The following EFNA5 variants were observed in gnomAD, a reference collection of about 807,000 sequenced individuals.
The protein encoded by EFNA5 is ephrin A5.
Under a neutral mutation model 22.9 loss-of-function variants are expected in EFNA5, and 5 were observed. The ratio of observed to expected loss-of-function variants is 0.22; its 90% CI spans 0.11 to 0.46. The LOEUF is 0.46. Ranked by LOEUF, EFNA5 falls within the 20% of genes least tolerant of loss-of-function variation. The probability of loss-of-function intolerance (pLI) is 0.99; values close to 1 mark genes in which losing one functional copy is unlikely to be tolerated. For synonymous variants in EFNA5, 113 were observed against 112.2 expected (o/e 1.01, Z -0.04); for missense variants, 237 against 293.3 (o/e 0.81, Z 1.40).
At chr5:107,667,054 G>T (rs1396158917) in intron 1 of EFNA5, among the ~76,000 whole-genome samples, 1 of 152,038 alleles carries the variant, frequency 6.6e-6, no homozygotes, top group Non-Finnish European at 1.5e-5. Context: ...GTTACTTGGT[G>T]ACATTCCAGT....
At chr5:107,628,384 A>C in intron 1 of EFNA5, among the ~76,000 whole-genome samples, 1 of 152,198 alleles carries the variant, frequency 6.6e-6, no homozygotes, top group Non-Finnish European at 1.5e-5. Context: ...TTCCTGTTAG[A>C]CATAGCCTAA....
intron 1 of EFNA5, among the ~76,000 whole-genome samples, chr5:107,527,280 T>C (rs557011741): frequency 7.3e-6 from 1 of 137,054 alleles, no homozygotes; most frequent in Admixed American, 7.0e-5. Flanking sequence ...ACAACCTTTT[T>C]TTCTTTTTTC....
intron 1 of EFNA5, among the ~76,000 whole-genome samples, chr5:107,536,824 C>T (rs6875929): frequency 0.033 from 4,992 of 152,206 alleles, 264 homozygotes; most frequent in African/African-American, 0.11. Flanking sequence ...GTAGATTTTT[C>T]GGCCGGGTGC....
chr5:107,637,512 G>GTGTGTC (rs202206718), intron 1 of EFNA5, among the ~76,000 whole-genome samples: 2,511 of 150,822 alleles, frequency 0.017, 29 homozygotes, highest in Middle Eastern at 0.031. Flanking sequence ...GTGTGTGTGT[G>GTGTGTC]TGTGTCTGTG....
At chr5:107,564,640 T>G (rs972135827) in intron 1 of EFNA5, among the ~76,000 whole-genome samples, 9 of 150,502 alleles carry the variant, frequency 6.0e-5, no homozygotes, top group African/African-American at 1.2e-4. Context: ...TGTTTTTTTT[T>G]TTTTTTTTTT....
At chr5:107,579,616 T>C (rs892264898) in intron 1 of EFNA5, among the ~76,000 whole-genome samples, 5 of 133,678 alleles carry the variant, frequency 3.7e-5, no homozygotes, top group African/African-American at 9.2e-5. Context: ...CCACAGTTAA[T>C]AGTATTATAG....
chr5:107,569,925 C>G (rs1580535682), intron 1 of EFNA5, among the ~76,000 whole-genome samples: 1 of 150,850 alleles, frequency 6.6e-6, no homozygotes, highest in Non-Finnish European at 1.5e-5. Context: ...ACTTCCTAAG[C>G]AAGTGTACAC....
At chr5:107,633,360 G>T (rs1426530248) in intron 1 of EFNA5, among the ~76,000 whole-genome samples, 1 of 152,190 alleles carries the variant, frequency 6.6e-6, no homozygotes, top group Admixed American at 6.5e-5. Context: ...GTCCCTTTCA[G>T]CATGGACAAA....
intron 1 of EFNA5, among the ~76,000 whole-genome samples, chr5:107,473,031 T>C (rs1481359568): frequency 1.3e-5 from 2 of 152,134 alleles, no homozygotes. Context: ...CATTCACCTA[T>C]ACCTTACCTC....
chr5:107,590,719 T>C (rs768801846), intron 1 of EFNA5, among the ~76,000 whole-genome samples: 26 of 152,210 alleles, frequency 1.7e-4, no homozygotes, highest in Non-Finnish European at 3.4e-4. Context: ...ATCTTAAAGG[T>C]AAATGGTGTA....
chr5:107,551,822 T>C (rs1361604203), intron 1 of EFNA5, among the ~76,000 whole-genome samples: 1 of 152,122 alleles, frequency 6.6e-6, no homozygotes, highest in Non-Finnish European at 1.5e-5. Context: ...AATTTTAATA[T>C]AAAAACATGT....
chr5:107,563,865 T>C (rs913277690), intron 1 of EFNA5, among the ~76,000 whole-genome samples: 1 of 152,234 alleles, frequency 6.6e-6, no homozygotes, highest in African/African-American at 2.4e-5. Flanking sequence ...AAGATTATTC[T>C]TTCTAAAGTG....
intron 1 of EFNA5, among the ~76,000 whole-genome samples, chr5:107,509,063 T>C (rs1421393467): frequency 6.6e-6 from 1 of 152,228 alleles, no homozygotes; most frequent in Non-Finnish European, 1.5e-5. Context: ...GCTATTCCTA[T>C]AAATTTATTT....
chr5:107,620,066 G>A (rs760519794), intron 1 of EFNA5, among the ~76,000 whole-genome samples: 5 of 152,204 alleles, frequency 3.3e-5, no homozygotes, highest in Non-Finnish European at 7.3e-5. Flanking sequence ...AGGAGATACA[G>A]AGTGCCTTAT....
chr5:107,611,465 C>A (rs1309905088), intron 1 of EFNA5, among the ~76,000 whole-genome samples: 2 of 152,160 alleles, frequency 1.3e-5, no homozygotes, highest in African/African-American at 4.8e-5. Flanking sequence ...CTTGCCTTAG[C>A]GTATTCCTCA....
intron 1 of EFNA5, among the ~76,000 whole-genome samples, chr5:107,431,148 A>G (rs1471906627): frequency 6.6e-6 from 1 of 152,172 alleles, no homozygotes; most frequent in African/African-American, 2.4e-5. Context: ...ATCAATTTAC[A>G]CTTTTGTTTC....
intron 4 of EFNA5, among the ~76,000 whole-genome samples, chr5:107,383,064 A>C (rs562118220): frequency 2.0e-4 from 31 of 152,284 alleles, no homozygotes; most frequent in African/African-American, 7.0e-4. Context: ...TGCTTCAGAT[A>C]TGCTCGTTTG....
intron 2 of EFNA5, among the ~76,000 whole-genome samples, chr5:107,419,974 A>T (rs1748610941): frequency 6.6e-6 from 1 of 152,210 alleles, no homozygotes; most frequent in Admixed American, 6.5e-5. Flanking sequence ...AGTGAAAAAG[A>T]CTACCTCCTG....
intron 1 of EFNA5, among the ~76,000 whole-genome samples, chr5:107,521,456 CTATA>C (rs56039409): frequency 5.9e-4 from 73 of 124,386 alleles, no homozygotes; most frequent in Middle Eastern, 4.0e-3. Context: ...CCACACCTGG[CTATA>C]TATATATATA....
Sources: gnomAD v4.1 joint callset for allele counts (sites outside exome capture counted in the v4.1 genomes callset) on GRCh38, gnomAD v4.1.1 for gene constraint, MANE v1.5 for transcripts, NCBI Gene and HGNC (gene_info 2026-07-23, HGNC 2026-07-21) for gene names.